Variants in NELL1 observed in about 807,000 individuals in gnomAD.
The protein encoded by NELL1 is protein kinase C-binding protein NELL1.
NELL1 carries 76 observed loss-of-function variants against 107.4 expected under a neutral mutation model. The ratio of observed to expected loss-of-function variants is 0.71; its 90% CI spans 0.59 to 0.86. The LOEUF is 0.86. NELL1 is among the 40% of genes least tolerant of loss of function. The pLI is 0.00. For synonymous variants in NELL1, 353 were observed against 341.2 expected, an observed-to-expected ratio of 1.03 and a Z score of -0.38; for missense variants, 1,024 against 1,005.5, an observed-to-expected ratio of 1.02 and a Z score of -0.25.
chr11:21,129,505 C>G (rs931916077), intron 13 of NELL1, among the ~76,000 whole-genome samples: 1 of 152,056 alleles, frequency 6.6e-6, no homozygotes, highest in African/African-American at 2.4e-5. Context: ...GGAAGTAACT[C>G]AAGTATCCAT....
chr11:21,385,055 G>T (rs958855037), intron 15 of NELL1, among the ~76,000 whole-genome samples: 1 of 151,718 alleles, frequency 6.6e-6, no homozygotes, highest in African/African-American at 2.4e-5. Context: ...TATGAAAAAC[G>T]TTTCTGCACA....
intron 13 of NELL1, among the ~76,000 whole-genome samples, chr11:21,166,648 A>T (rs1490276345): frequency 6.6e-6 from 1 of 151,888 alleles, no homozygotes; most frequent in Non-Finnish European, 1.5e-5. Context: ...GCGCACAAAA[A>T]ATCTGTCTTT....
At chr11:20,883,588 G>A (rs1014814480) in intron 4 of NELL1, among the ~76,000 whole-genome samples, 12 of 152,024 alleles carry the variant, frequency 7.9e-5, no homozygotes, top group African/African-American at 2.2e-4. Context: ...CTTCTGCCTC[G>A]TCACCCAAAT....
At chr11:21,375,463 G>C (rs1376974633) in intron 15 of NELL1, among the ~76,000 whole-genome samples, 1 of 152,030 alleles carries the variant, frequency 6.6e-6, no homozygotes, top group African/African-American at 2.4e-5. Context: ...TGAGCACTTA[G>C]ATTGATTCTA....
intron 13 of NELL1, among the ~76,000 whole-genome samples, chr11:21,188,251 C>T (rs1856974746): frequency 6.6e-6 from 1 of 151,822 alleles, no homozygotes; most frequent in South Asian, 2.1e-4. Context: ...AGCTTTTTCT[C>T]CTCAGTCACT....
intron 15 of NELL1, among the ~76,000 whole-genome samples, chr11:21,472,657 T>C (rs1854212139): frequency 6.6e-6 from 1 of 152,050 alleles, no homozygotes; most frequent in Non-Finnish European, 1.5e-5. Flanking sequence ...GAGCAATTCC[T>C]AGAAAAAAAC....
intron 14 of NELL1, among the ~76,000 whole-genome samples, chr11:21,361,651 C>A (rs1851079046): frequency 6.6e-6 from 1 of 152,176 alleles, no homozygotes; most frequent in Admixed American, 6.5e-5. Context: ...TTAACAGAAT[C>A]CCACATTTCT....
chr11:21,121,162 CAGAAGAACAGAGAGG>C lies in NELL1; in HGVS notation c.1426+7449_1426+7463del, dbSNP rs537574670. ...CAAGAGCCACTGCTTTAGCATAGAG[CAGAAGAACAGAGAGG>C]GTTGGAGTATGGAGAGAATATCAGA... is the stretch of plus-strand genomic sequence containing the variant. On this transcript the variant is annotated intron_variant, in intron 13 of 19. Coordinates refer to ENST00000357134, the MANE Select transcript of NELL1 (RefSeq NM_006157.5). 2.6e-5 allele frequency among the ~76,000 whole-genome samples: 4 copies of C among 152,156 alleles called. No homozygotes were observed. In the East Asian group the frequency reaches 5.8e-4, roughly 22 times the overall value.
chr11:20,893,155 G>T (rs756448613), intron 5 of NELL1, among the ~76,000 whole-genome samples: 27 of 151,870 alleles, frequency 1.8e-4, no homozygotes, highest in Non-Finnish European at 3.5e-4. Flanking sequence ...AACCAACACA[G>T]GAACAGAAAA....
intron 3 of NELL1, among the ~76,000 whole-genome samples, chr11:20,816,514 G>GA (rs1857626612): frequency 6.6e-6 from 1 of 152,306 alleles, no homozygotes; most frequent in East Asian, 1.9e-4. Flanking sequence ...AAAGTTTACT[G>GA]AAGTCATTTA....
chr11:21,442,397 T>C (rs954395438), intron 15 of NELL1, among the ~76,000 whole-genome samples: 10 of 152,104 alleles, frequency 6.6e-5, no homozygotes, highest in African/African-American at 2.4e-4. Flanking sequence ...CACTGTTAAT[T>C]TTCCACCACC....
chr11:21,171,915 T>A (rs1856615597), intron 13 of NELL1, among the ~76,000 whole-genome samples: 1 of 151,944 alleles, frequency 6.6e-6, no homozygotes, highest in South Asian at 2.1e-4. Flanking sequence ...TAAGATGTTT[T>A]TATTGTAATG....
intron 12 of NELL1, among the ~76,000 whole-genome samples, chr11:20,988,848 A>G (rs943952399): frequency 2.0e-5 from 3 of 151,988 alleles, no homozygotes; most frequent in Admixed American, 1.3e-4. Context: ...TCAGCCTCCC[A>G]AAGTGCTGAG....
intron 3 of NELL1, among the ~76,000 whole-genome samples, chr11:20,832,068 G>A (rs2134038003): frequency 6.6e-6 from 1 of 152,244 alleles, no homozygotes; most frequent in East Asian, 1.9e-4. Flanking sequence ...ATAGCAAGTG[G>A]GCTGGGTGGG....
chr11:21,219,126 G>A (rs11025966), intron 13 of NELL1, among the ~76,000 whole-genome samples: 12,872 of 151,970 alleles, frequency 0.085, 586 homozygotes, highest in Middle Eastern at 0.13. Context: ...TTTTCTCTCC[G>A]TCCGCACTGG....
chr11:21,281,755 G>A (rs1364871455), intron 14 of NELL1, among the ~76,000 whole-genome samples: 2 of 152,162 alleles, frequency 1.3e-5, no homozygotes, highest in African/African-American at 4.8e-5. Flanking sequence ...GTCTCTGCAT[G>A]GTAATCCAGA....
chr11:21,108,804 C>T lies in NELL1; in HGVS notation c.1301-4785C>T, dbSNP rs545953223. Among the ~76,000 whole-genome samples the T allele has an allele frequency of 4.9e-4, 74 of 152,160 alleles. No individual in the cohort carries two copies. The South Asian group carries it at 0.013, about 26-fold the overall frequency. On this transcript the variant is annotated intron_variant, in intron 12 of 19. Coordinates refer to ENST00000357134, the MANE Select transcript of NELL1 (RefSeq NM_006157.5). The stretch of plus-strand genomic sequence containing the variant: ...AAAGAGCCAAGGAAGCAGTGATGCA[C>T]GGAGCAGAATTGCCATTTTAACAGA...
chr11:20,812,714 G>T (rs1857525286), intron 3 of NELL1, among the ~76,000 whole-genome samples: 1 of 151,804 alleles, frequency 6.6e-6, no homozygotes, highest in Non-Finnish European at 1.5e-5. Context: ...GTACCTAAAA[G>T]AAATAGCAGA....
chr11:21,196,190 TA>T (rs1857147682), intron 13 of NELL1, among the ~76,000 whole-genome samples: 1 of 152,118 alleles, frequency 6.6e-6, no homozygotes, highest in Non-Finnish European at 1.5e-5. Context: ...CCCTAGTCCA[TA>T]ATAATGTGAC....
Sources: allele counts gnomAD v4.1 joint callset (sites outside exome capture counted in the v4.1 genomes callset), GRCh38; gene constraint gnomAD v4.1.1; transcripts MANE v1.5; gene names NCBI Gene and HGNC (gene_info 2026-07-23, HGNC 2026-07-21).